CMIP: variants seen among roughly 807,000 people sequenced by gnomAD.
CMIP encodes C-Maf-inducing protein.
Under a neutral mutation model 97.3 loss-of-function variants are expected in CMIP, and 13 were observed. That is an observed-to-expected ratio of 0.13 (90% confidence interval 0.09 to 0.21). The LOEUF is 0.21. CMIP is among the 10% of genes least tolerant of loss of function. CMIP has a pLI of 1.00. For synonymous variants in CMIP, 538 were observed against 436.3 expected, an observed-to-expected ratio of 1.23 and a Z score of -2.91; for missense variants, 847 against 1,024.9, an observed-to-expected ratio of 0.83 and a Z score of 2.37.
At chr16:81,446,542 C>T (rs2317238) in intron 1 of CMIP, among the ~76,000 whole-genome samples, 29,910 of 151,674 alleles carry the variant, frequency 0.2, 5,058 homozygotes, top group African/African-American at 0.46. Context: ...CGTGGGGGTC[C>T]CATCCTCATT....
intron 1 of CMIP, among the ~76,000 whole-genome samples, chr16:81,546,646 T>C (rs1161755895): frequency 6.6e-6 from 1 of 151,972 alleles, no homozygotes; most frequent in Admixed American, 6.6e-5. Flanking sequence ...GTGGAGAAAA[T>C]TGAAGTCAGA....
chr16:81,686,932 C>G (rs1468211578), intron 10 of CMIP, among the ~76,000 whole-genome samples: 1 of 152,000 alleles, frequency 6.6e-6, no homozygotes, highest in East Asian at 1.9e-4. Flanking sequence ...CCCCTGGCCT[C>G]TCCCGTGGGT....
intron 1 of CMIP, among the ~76,000 whole-genome samples, chr16:81,562,343 T>G (rs150671641): frequency 2.0e-5 from 3 of 152,344 alleles, no homozygotes; most frequent in Non-Finnish European, 4.4e-5. Flanking sequence ...AATCTGGGTC[T>G]TCTTAGTCCT....
chr16:81,661,954 T>A (rs1185032668), intron 6 of CMIP, among the ~76,000 whole-genome samples: 1 of 152,176 alleles, frequency 6.6e-6, no homozygotes, highest in Non-Finnish European at 1.5e-5. Flanking sequence ...AATGTGGGCA[T>A]GTGCAATGTG....
intron 3 of CMIP, among the ~76,000 whole-genome samples, chr16:81,641,967 A>G (rs2092311598): frequency 6.6e-6 from 1 of 152,228 alleles, no homozygotes; most frequent in Admixed American, 6.5e-5. Context: ...TACCTCACTC[A>G]GCCTCGATGT....
chr16:81,460,505 A>G (rs1906838267), intron 1 of CMIP, among the ~76,000 whole-genome samples: 1 of 152,130 alleles, frequency 6.6e-6, no homozygotes, highest in Non-Finnish European at 1.5e-5. Flanking sequence ...TTTGCAGTGA[A>G]AGTCCTGTGG....
chr16:81,494,588 C>T (rs897459871), intron 1 of CMIP, among the ~76,000 whole-genome samples: 7 of 152,172 alleles, frequency 4.6e-5, no homozygotes, highest in Non-Finnish European at 7.4e-5. Context: ...AGCCGGCTCC[C>T]GTTCTGAGGA....
intron 8 of CMIP, among the ~76,000 whole-genome samples, chr16:81,671,052 C>T (rs1257447016): frequency 6.6e-6 from 1 of 152,196 alleles, no homozygotes; most frequent in African/African-American, 2.4e-5. Context: ...TAGTCTTGAA[C>T]TCCTGACCTC....
At position 81,524,595 on chromosome 16, in the gene CMIP, A is replaced by G. The variant is rs1344710430; in HGVS notation, c.300+79054A>G. ...GGCAGCTGCAGCCATCACGGCCCTC[A>G]TTTTGCAGATGCCGAAATTGAGGTC... On this transcript the variant is annotated intron_variant, in intron 1 of 20. Coordinates refer to ENST00000537098, the MANE Select transcript of CMIP (RefSeq NM_198390.3). Among the ~76,000 whole-genome samples the G allele has an allele frequency of 2.0e-5, 3 of 152,292 alleles. 1 individual carries two copies. The highest frequency in any genetic ancestry group is 7.2e-5 in the African/African-American group (3 of 41,560).
intron 14 of CMIP, 58 bp downstream of exon 14, chr16:81,696,725 G>T (rs768798261): frequency 6.6e-7 from 1 of 1,518,196 alleles, no homozygotes; most frequent in South Asian, 1.2e-5. Context: ...TGCCATGCCT[G>T]ACTAGTAAAA....
At chr16:81,617,189 A>C (rs1422323829) in intron 2 of CMIP, 1 of 152,260 alleles carries the variant, frequency 6.6e-6, no homozygotes, top group African/African-American at 2.4e-5. Context: ...AAGAGCCAGT[A>C]GGCCCTGCAG....
intron 1 of CMIP, chr16:81,476,592 A>T (rs1907937788): frequency 2.1e-6 from 1 of 485,842 alleles, no homozygotes; most frequent in Non-Finnish European, 3.8e-6. Context: ...GTAAAGTTTC[A>T]TATAAATAGT....
chr16:81,485,733 A>G (rs1050881352), intron 1 of CMIP, among the ~76,000 whole-genome samples: 6 of 152,258 alleles, frequency 3.9e-5, no homozygotes, highest in Non-Finnish European at 8.8e-5. Flanking sequence ...TTATGTGAGT[A>G]CAATTTTTCA....
intron 2 of CMIP, among the ~76,000 whole-genome samples, chr16:81,607,966 A>G (rs1321949652): frequency 6.6e-6 from 1 of 152,236 alleles, no homozygotes; most frequent in Non-Finnish European, 1.5e-5. Context: ...CCTGATAAAT[A>G]AGTTTTATGA....
intron 13 of CMIP, 32 bp downstream of exon 13, chr16:81,693,519 C>A (rs1906350929): frequency 6.2e-7 from 1 of 1,601,324 alleles, no homozygotes; most frequent in Non-Finnish European, 8.5e-7. Context: ...CTCAGGCCGG[C>A]TGTCTGGGGA....
chr16:81,457,741 A>G (rs1209127947), intron 1 of CMIP, among the ~76,000 whole-genome samples: 1 of 152,206 alleles, frequency 6.6e-6, no homozygotes, highest in Admixed American at 6.5e-5. Context: ...GAACTCCTGC[A>G]CCGTCCCACA....
intron 1 of CMIP, among the ~76,000 whole-genome samples, chr16:81,537,458 C>G (rs2090364040): frequency 1.3e-5 from 2 of 148,216 alleles, no homozygotes; most frequent in African/African-American, 5.0e-5. Flanking sequence ...TTGCTTGAAC[C>G]TGGGAGGCAG....
chr16:81,529,601 G>C (rs2090194434), intron 1 of CMIP, among the ~76,000 whole-genome samples: 1 of 152,162 alleles, frequency 6.6e-6, no homozygotes, highest in Admixed American at 6.5e-5. Flanking sequence ...GGGTTGAGGA[G>C]CTTGGGATGG....
At chr16:81,603,182 C>T (rs1244504571) in intron 1 of CMIP, among the ~76,000 whole-genome samples, 1 of 152,154 alleles carries the variant, frequency 6.6e-6, no homozygotes, top group Non-Finnish European at 1.5e-5. Context: ...CGGGTTCACG[C>T]CATTCTCCTT....
Sources: gnomAD v4.1 joint callset for allele counts (sites outside exome capture counted in the v4.1 genomes callset) on GRCh38, gnomAD v4.1.1 for gene constraint, MANE v1.5 for transcripts, NCBI Gene and HGNC (gene_info 2026-07-23, HGNC 2026-07-21) for gene names.